Variants in FOXP1 observed in about 807,000 individuals in gnomAD.
FOXP1 encodes forkhead box protein P1.
FOXP1 carries 15 observed loss-of-function variants against 98.2 expected under a neutral mutation model. The ratio of observed to expected loss-of-function variants is 0.15; its 90% CI spans 0.10 to 0.24. The LOEUF (loss-of-function observed/expected upper bound fraction) is 0.24, where lower values mean the gene tolerates loss of function less well. Among genes scored for constraint, FOXP1 ranks in the 10% least tolerant of loss-of-function variants. The pLI is 1.00. For synonymous variants in FOXP1, 371 were observed against 314.5 expected, an observed-to-expected ratio of 1.18 and a Z score of -1.90; for missense variants, 633 against 848.5, an observed-to-expected ratio of 0.75 and a Z score of 3.15.
intron 6 of FOXP1, among the ~76,000 whole-genome samples, chr3:71,193,060 C>G (rs753555008): frequency 2.6e-5 from 4 of 152,140 alleles, no homozygotes; most frequent in Non-Finnish European, 5.9e-5. Flanking sequence ...TTCAGAGGAC[C>G]CTGGGATATC....
intron 11 of FOXP1, among the ~76,000 whole-genome samples, chr3:71,022,592 T>A (rs987887604): frequency 2.6e-5 from 4 of 152,122 alleles, no homozygotes; most frequent in African/African-American, 9.7e-5. Flanking sequence ...GTAAATGGAG[T>A]GTAACTGTTC....
At chr3:71,371,092 A>G (rs1057369497) in intron 3 of FOXP1, among the ~76,000 whole-genome samples, 3 of 151,980 alleles carry the variant, frequency 2.0e-5, no homozygotes, top group Non-Finnish European at 2.9e-5. Context: ...CCCCAACCCC[A>G]GAGTTTCTGA....
chr3:71,361,896 C>T (rs1162707670), intron 3 of FOXP1, among the ~76,000 whole-genome samples: 2 of 152,124 alleles, frequency 1.3e-5, no homozygotes, highest in South Asian at 2.1e-4. Flanking sequence ...AACAAAGAAG[C>T]ACCGGAGAAA....
chr3:71,415,049 C>T (rs2083104042), intron 3 of FOXP1, among the ~76,000 whole-genome samples: 1 of 152,138 alleles, frequency 6.6e-6, no homozygotes, highest in African/African-American at 2.4e-5. Context: ...TACTTGAAAA[C>T]ATTAAGCTGT....
intron 5 of FOXP1, among the ~76,000 whole-genome samples, chr3:71,294,461 G>T (rs1177880625): frequency 6.6e-6 from 1 of 152,104 alleles, no homozygotes; most frequent in Non-Finnish European, 1.5e-5. Flanking sequence ...CCCATCATCA[G>T]CATCGTCATT....
intron 3 of FOXP1, among the ~76,000 whole-genome samples, chr3:71,442,145 A>C (rs2085996005): frequency 6.6e-6 from 1 of 152,204 alleles, no homozygotes; most frequent in South Asian, 2.1e-4. Context: ...TTGGTGCCCC[A>C]CTTTTGTGGA....
intron 4 of FOXP1, among the ~76,000 whole-genome samples, chr3:71,328,974 T>TA (rs869252301): frequency 0.28 from 8,658 of 31,000 alleles, 1,344 homozygotes; most frequent in Non-Finnish European, 0.36. Flanking sequence ...TCCATCTCGC[T>TA]AAAAAAAAAA....
At chr3:71,551,462 A>T (rs945075081) in intron 2 of FOXP1, among the ~76,000 whole-genome samples, 5 of 152,234 alleles carry the variant, frequency 3.3e-5, no homozygotes, top group Middle Eastern at 3.2e-3. Flanking sequence ...CCTTAGAAGC[A>T]TACCAAAAAC....
intron 5 of FOXP1, among the ~76,000 whole-genome samples, chr3:71,198,686 ATTT>A (rs897521848): frequency 6.6e-6 from 1 of 151,334 alleles, no homozygotes; most frequent in African/African-American, 2.4e-5. Context: ...TCAAGATTAA[ATTT>A]TTCTTTTTTC....
At chr3:71,406,414 T>TATATATATATATATATATAC (rs1220162304) in intron 3 of FOXP1, among the ~76,000 whole-genome samples, 1 of 141,730 alleles carries the variant, frequency 7.1e-6, no homozygotes, top group African/African-American at 2.5e-5. Flanking sequence ...TGTATATATA[T>TATATATATATATATATATAC]ATATATATAT....
intron 6 of FOXP1, among the ~76,000 whole-genome samples, chr3:71,118,367 C>T (rs899705715): frequency 6.6e-6 from 1 of 152,094 alleles, no homozygotes. Flanking sequence ...ATAGCAGGTG[C>T]TTATAGGGGC....
chr3:71,582,390 G>C (rs2048256064), intron 1 of FOXP1: 2 of 981,478 alleles, frequency 2.0e-6, no homozygotes, highest in Non-Finnish European at 2.4e-6. Flanking sequence ...CGCCACCGCC[G>C]TGGTCCCCAC....
chr3:71,227,481 G>C (rs1460382807), intron 5 of FOXP1, among the ~76,000 whole-genome samples: 1 of 152,046 alleles, frequency 6.6e-6, no homozygotes, highest in Non-Finnish European at 1.5e-5. Context: ...CTTATCTAAC[G>C]GTCTATTGAG....
intron 5 of FOXP1, among the ~76,000 whole-genome samples, chr3:71,285,652 T>C (rs1470612517): frequency 6.6e-6 from 1 of 152,234 alleles, no homozygotes; most frequent in African/African-American, 2.4e-5. Flanking sequence ...ATAAAAATAA[T>C]ACACCTTGGT....
chr3:71,396,577 T>A (rs1415630673), intron 3 of FOXP1, among the ~76,000 whole-genome samples: 1 of 152,036 alleles, frequency 6.6e-6, no homozygotes, highest in Non-Finnish European at 1.5e-5. Context: ...AAAGGAGCCA[T>A]GGTCAGCTAA....
chr3:71,416,580 A>G (rs918683030), intron 3 of FOXP1, among the ~76,000 whole-genome samples: 21 of 143,700 alleles, frequency 1.5e-4, no homozygotes, highest in Non-Finnish European at 3.1e-4. Flanking sequence ...ACACACACAC[A>G]CACACACACA....
In FOXP1 at chr3:70,972,560, G is replaced by A. The variant is rs764893417; in HGVS notation, c.1647C>T (p.Ile549=). The change falls in exon 18 of 21, where the codon ATC becomes ATT. Residue 549 remains isoleucine, a synonymous_variant. Transcript: ENST00000649528. ...TTCAAACATGGTGGACGTACCCACT[G>A]ATCTTTTGTGGCCTTCGTTTTTGGA... is the stretch of plus-strand genomic sequence containing the variant. ...VEFQKRRPQK[I]SGNPSLIKNM... 1.2e-6 allele frequency: 2 copies of A among 1,614,204 alleles called. No homozygotes were observed. The highest frequency in any genetic ancestry group is 1.7e-6 in the Non-Finnish European group (2 of 1,180,044).
intron 3 of FOXP1, among the ~76,000 whole-genome samples, chr3:71,492,828 T>C (rs1577824269): frequency 6.6e-6 from 1 of 152,178 alleles, no homozygotes; most frequent in Non-Finnish European, 1.5e-5. Context: ...ACAGGATGGA[T>C]GGAAAACACA....
At chr3:71,487,538 G>A (rs1172251744) in intron 3 of FOXP1, among the ~76,000 whole-genome samples, 1 of 151,310 alleles carries the variant, frequency 6.6e-6, no homozygotes, top group Non-Finnish European at 1.5e-5. Flanking sequence ...CAAGAATTTA[G>A]GTGGAATAAT....
Sources: gnomAD v4.1 joint callset for allele counts (sites outside exome capture counted in the v4.1 genomes callset) on GRCh38, gnomAD v4.1.1 for gene constraint, MANE v1.5 for transcripts, NCBI Gene and HGNC (gene_info 2026-07-23, HGNC 2026-07-21) for gene names.